The following LGI1 variants were observed in gnomAD, a reference collection of about 807,000 sequenced individuals.
LGI1 encodes the protein leucine rich glioma inactivated 1, also known as leucine-rich glioma-inactivated protein 1.
LGI1 carries 11 observed loss-of-function variants against 57.7 expected under a neutral mutation model. The ratio of observed to expected loss-of-function variants is 0.19; its 90% CI spans 0.12 to 0.32. The LOEUF (loss-of-function observed/expected upper bound fraction) is 0.32, where lower values mean the gene tolerates loss of function less well. Ranked by LOEUF, LGI1 falls within the 10% of genes least tolerant of loss-of-function variation. The pLI is 1.00. For missense variants in LGI1, 422 were observed against 661.9 expected (o/e 0.64, Z 3.98); for synonymous variants, 222 against 241.9 (o/e 0.92, Z 0.76).
At chr10:93,768,536 A>T (rs2059702678) in intron 2 of LGI1, 1 of 152,240 alleles carries the variant, frequency 6.6e-6, no homozygotes, top group Non-Finnish European at 1.5e-5. Context: ...GGGTGATTTT[A>T]TAAACACATG....
At chr10:93,788,236 A>G (rs2059906448) in intron 4 of LGI1, 1 of 152,258 alleles carries the variant, frequency 6.6e-6, no homozygotes, top group South Asian at 2.1e-4. Flanking sequence ...CCAGTCAGTA[A>G]GATGAATTAT....
Position 93,766,192 on chromosome 10 carries a change from T to A in LGI1, c.287+7361T>A, listed in dbSNP as rs2059676229. On this transcript the variant is annotated intron_variant, in intron 2 of 7. Coordinates refer to ENST00000371418, the MANE Select transcript of LGI1 (RefSeq NM_005097.4). ...ATAAAATGATGTTTCAGTATCCCTC[T>A]CATGGAGCAAGGATTGGAAAAAAAT... Among the ~76,000 whole-genome samples the A allele has an allele frequency of 2.6e-5, 4 of 152,134 alleles. No homozygotes were observed. The South Asian group carries it at 8.3e-4, about 31-fold the overall frequency.
At chr10:93,764,487 T>C (rs1190670998) in intron 2 of LGI1, 1 of 152,204 alleles carries the variant, frequency 6.6e-6, no homozygotes. Context: ...ATCCTGTGGC[T>C]AATACGGGCT....
At chr10:93,795,371 A>G (rs2059971522) in intron 7 of LGI1, among the ~76,000 whole-genome samples, 1 of 152,172 alleles carries the variant, frequency 6.6e-6, no homozygotes, top group African/African-American at 2.4e-5. Context: ...TCTGCTTCAA[A>G]GACGGTGCCT....
In LGI1 at chr10:93,792,893, T is replaced by C; in HGVS notation, c.654T>C (p.Asp218=). ...AAATCAATAGTCTCTCCTCGAAGGA[T>C]TTTGATTGCATCATTACAGGTAATG... is the stretch of plus-strand genomic sequence containing the variant. ...KRKINSLSSK[D]FDCIITEFAK... The change falls in exon 6 of 8, where the codon GAT becomes GAC. Residue 218 remains aspartate (D), a synonymous_variant. Coordinates refer to ENST00000371418, the MANE Select transcript of LGI1 (RefSeq NM_005097.4). 1 of 1,614,016 alleles carries C rather than the reference T, an allele frequency of 6.2e-7. No homozygotes were observed. Among genetic ancestry groups the C allele is most frequent in the Non-Finnish European group, 8.5e-7 (1 of 1,179,962 alleles).
Position 93,797,322 on chromosome 10 carries a change from A to T in LGI1, c.1193A>T (p.His398Leu). 1.2e-6 allele frequency: 2 copies of T among 1,614,210 alleles called. No homozygotes were observed. The highest frequency in any genetic ancestry group is 1.7e-6 in the Non-Finnish European group (2 of 1,180,036). ...VRTPQTLRTP[H>L]LILSSSSQRP... is the part of the protein sequence containing the mutation. ...ACACCTCAGACACTCAGAACGCCTCATTTAATTCTGTCTAGTAGTTCCCAG... is the reference window on the plus strand; with the variant it reads ...ACACCTCAGACACTCAGAACGCCTCTTTTAATTCTGTCTAGTAGTTCCCAG... Residue 398 changes from histidine (H) to leucine (L), a missense_variant, in exon 8 of 8, where the codon CAT becomes CTT. This residue lies in a region of LGI1 where 301 missense variants were observed against 461.7 expected (regional missense o/e 0.65). Coordinates refer to ENST00000371418, the MANE Select transcript of LGI1 (RefSeq NM_005097.4). This position sits in a 1 kb window ranked among gnomAD's most constrained non-coding sequence, Gnocchi z 6.5.
Position 93,797,148 on chromosome 10 carries a change from T to C in LGI1, c.1019T>C (p.Ile340Thr), listed in dbSNP as rs80194159. ...CCCAATGACATTGAAACATTCAAGA[T>C]TGAAAACAACTGGTACTTTGTTGTT... ...RKPNDIETFK[I>T]ENNWYFVVAD... The change falls in exon 8 of 8, where the codon ATT becomes ACT. Residue 340 changes from isoleucine (I) to threonine (T), a missense_variant. By Grantham distance (89) the Ile-to-Thr change is moderately conservative. Coordinates refer to ENST00000371418, the MANE Select transcript of LGI1 (RefSeq NM_005097.4). This position sits in a 1 kb window ranked among gnomAD's most constrained non-coding sequence, Gnocchi z 6.5. 1.2e-6 allele frequency: 2 copies of C among 1,614,194 alleles called. No individual in the cohort carries two copies. Among genetic ancestry groups the C allele is most frequent in the East Asian group, 2.2e-5 (1 of 44,890 alleles).
chr10:93,758,724 CTGTTTGTT>C lies in LGI1; in HGVS notation c.216-30_216-23del. 2.8e-6 allele frequency: 4 copies of C among 1,439,580 alleles called. No homozygotes were observed. The South Asian group carries it at 4.6e-5, about 17-fold the overall frequency. The allele number at this position is 1,439,580 out of a possible 1,614,324, so 89.2% of individuals were successfully genotyped here. A position where few individuals can be genotyped will look rare whatever the true frequency, so the allele number is the denominator to read the frequency against. ...TGTGTGTGTGTCTCTTTGTGTGTGTCTGTTTGTTTGTTTTCTCTTTTTTGTTTTCTTTC... is the reference window on the plus strand; with the variant it reads ...TGTGTGTGTGTCTCTTTGTGTGTGTCTGTTTTCTCTTTTTTGTTTTCTTTC... On this transcript the variant is annotated intron_variant, in intron 1 of 7. Transcript: ENST00000371418. The surrounding 1 kb of genome is among the most constrained non-coding windows in gnomAD (Gnocchi z 4.7).
At chr10:93,790,749 C>T (rs992243017) in intron 5 of LGI1, 3 of 152,530 alleles carry the variant, frequency 2.0e-5, no homozygotes, top group African/African-American at 2.4e-5. Flanking sequence ...AACAAAAGAG[C>T]TTTCAAACTT....
At chr10:93,761,146 T>C (rs1157744071) in intron 2 of LGI1, among the ~76,000 whole-genome samples, 2 of 152,180 alleles carry the variant, frequency 1.3e-5, no homozygotes, top group Non-Finnish European at 2.9e-5. Context: ...ATAACAATTG[T>C]GGGAATGCAT....
At chr10:93,794,362 C>CT (rs71031540) in intron 7 of LGI1, among the ~76,000 whole-genome samples, 63,228 of 100,892 alleles carry the variant, frequency 0.63, 24,203 homozygotes, top group South Asian at 0.84. Context: ...CTGGATCTCT[C>CT]TTTTTTTTTT....
chr10:93,796,853 G>T (rs1052406244), intron 7 of LGI1, 115 bp from the exon 8 acceptor site: 2 of 853,634 alleles, frequency 2.3e-6, no homozygotes, highest in African/African-American at 1.7e-5. Flanking sequence ...AATCAACCAA[G>T]GAGATCTCTT....
At chr10:93,793,050 C>A in intron 6 of LGI1, 136 bp from the exon 7 acceptor site, 1 of 1,146,118 alleles carries the variant, frequency 8.7e-7, no homozygotes, top group Non-Finnish European at 1.3e-6. Context: ...GAACCATTGA[C>A]AATGCTTCAT....
At position 93,792,577 on chromosome 10, in the gene LGI1, C is replaced by T. The variant is rs200905596; in HGVS notation, c.504-166C>T. The T allele has an allele frequency of 1.9e-4, 135 of 717,652 alleles. 1 individual carries two copies. The East Asian group carries it at 3.5e-3, about 19-fold the overall frequency. The allele number at this position is 717,652 out of a possible 1,614,324, so 44.5% of individuals were successfully genotyped here. On this transcript the variant is annotated intron_variant, in intron 5 of 7. Coordinates refer to ENST00000371418, the MANE Select transcript of LGI1 (RefSeq NM_005097.4). The stretch of plus-strand genomic sequence containing the variant: ...TCTTCAAGTGTGCATGGTGCTAACT[C>T]TCTGAGCCCAAAGTGAATGAGTGGT...
At chr10:93,776,696 G>A (rs1450997851) in intron 2 of LGI1, among the ~76,000 whole-genome samples, 1 of 152,158 alleles carries the variant, frequency 6.6e-6, no homozygotes, top group Admixed American at 6.5e-5. Context: ...TCAACAGGGT[G>A]TGGGATGGCT....
intron 5 of LGI1, 28 bp from the exon 6 acceptor site, chr10:93,792,715 G>T: frequency 6.2e-7 from 1 of 1,612,756 alleles, no homozygotes; most frequent in Non-Finnish European, 8.5e-7. Context: ...CCCTTGTACA[G>T]CAAAAGCAGC....
chr10:93,771,420 G>C (rs2059738160), intron 2 of LGI1: 2 of 152,140 alleles, frequency 1.3e-5, no homozygotes, highest in South Asian at 4.1e-4. Flanking sequence ...AAATAACTCA[G>C]AAAGTCAAAT....
intron 2 of LGI1, among the ~76,000 whole-genome samples, chr10:93,772,148 A>G (rs935064665): frequency 2.0e-5 from 3 of 152,168 alleles, no homozygotes; most frequent in South Asian, 2.1e-4. Flanking sequence ...AGATGAAGTA[A>G]TATCCTTAAT....
intron 4 of LGI1, among the ~76,000 whole-genome samples, chr10:93,782,002 A>T (rs1030236067): frequency 1.3e-5 from 2 of 152,184 alleles, no homozygotes; most frequent in African/African-American, 4.8e-5. Flanking sequence ...GTTGCACAGG[A>T]TGTCTTTGTT....
Sources: allele counts gnomAD v4.1 joint callset (sites outside exome capture counted in the v4.1 genomes callset), GRCh38; gene constraint gnomAD v4.1.1; regional missense constraint gnomAD v4.1.1; non-coding constraint Gnocchi (gnomAD v3.1); transcripts MANE v1.5; gene names NCBI Gene and HGNC (gene_info 2026-07-23, HGNC 2026-07-21).